The following ZNF81 variants were observed in gnomAD, a reference collection of about 807,000 sequenced individuals.
ZNF81 encodes the protein zinc finger protein 81 (HFZ20).
Under a neutral mutation model 32.3 loss-of-function variants are expected in ZNF81, and 5 were observed. The ratio of observed to expected loss-of-function variants is 0.15; its 90% confidence interval spans 0.08 to 0.33. The LOEUF (loss-of-function observed/expected upper bound fraction) is 0.33. ZNF81 is among the 10% of genes least tolerant of loss of function. The pLI, the probability that ZNF81 is intolerant of heterozygous loss-of-function variation, is 1.00. For missense variants in ZNF81, 379 were observed against 479.8 expected, an observed-to-expected ratio of 0.79 and a Z score of 1.96; for synonymous variants, 163 against 166.8, an observed-to-expected ratio of 0.98 and a Z score of 0.17.
intron 2 of ZNF81, among the ~76,000 whole-genome samples, chrX:47,860,336 C>T (rs994980750): frequency 5.5e-5 from 6 of 108,936 alleles, no homozygotes; most frequent in Admixed American, 3.0e-4. Flanking sequence ...CCACCATGCC[C>T]GGCTAATTTT....
intron 2 of ZNF81, among the ~76,000 whole-genome samples, chrX:47,862,945 A>G (rs2058547021): frequency 1.8e-5 from 2 of 111,470 alleles, no homozygotes; most frequent in African/African-American, 6.5e-5. Context: ...CAAGCTTCCA[A>G]TCTCAGTTAA....
At chrX:47,874,483 C>T (rs1556884279) in intron 2 of ZNF81, among the ~76,000 whole-genome samples, 1 of 112,538 alleles carries the variant, frequency 8.9e-6, no homozygotes, top group African/African-American at 3.2e-5. Context: ...CAGCCAAGTT[C>T]TTGTGCAAAC....
intron 2 of ZNF81, among the ~76,000 whole-genome samples, chrX:47,886,293 G>C (rs1029944690): frequency 7.2e-5 from 8 of 111,353 alleles, no homozygotes; most frequent in African/African-American, 2.6e-4. Flanking sequence ...AGAGATGCTT[G>C]ATTCTGTTTA....
At chrX:47,878,783 A>G in intron 2 of ZNF81, among the ~76,000 whole-genome samples, 1 of 112,465 alleles carries the variant, frequency 8.9e-6, no homozygotes, top group Middle Eastern at 4.6e-3. Context: ...AATTGCCACG[A>G]ACTTGGTGGC....
Position 47,919,219 on chromosome X carries a change from G to A in ZNF81, c.*2587G>A, listed in dbSNP as rs2058767823. 1 of 330,241 alleles carries A rather than the reference G, an allele frequency of 3.0e-6. No homozygotes were observed. Among genetic ancestry groups the A allele is most frequent in the Non-Finnish European group, 5.9e-6 (1 of 169,729 alleles). 27.2% of individuals were successfully genotyped at this position (330,241 alleles called of 1,213,427 possible). A position where few individuals can be genotyped will look rare whatever the true frequency, so the allele number is the denominator to read the frequency against. ...TGTTAGGTAGAAAAATGCTACAGAT[G>A]TCTTCATCCCTGTATATGTGTCCTT... On this transcript the variant is annotated 3_prime_UTR_variant, in exon 5 of 5. Coordinates refer to ENST00000338637, the MANE Select transcript of ZNF81 (RefSeq NM_007137.5).
intron 4 of ZNF81, among the ~76,000 whole-genome samples, chrX:47,914,518 C>T (rs373324612): frequency 6.5e-4 from 73 of 111,803 alleles, no homozygotes; most frequent in African/African-American, 2.1e-3. Flanking sequence ...AGTTGCCTAC[C>T]GTATTCAGTA....
In ZNF81 at chrX:47,915,344, A is replaced by T. The variant is rs1556890528; in HGVS notation, c.698A>T (p.Tyr233Phe). 8.3e-7 allele frequency: 1 copy of T among 1,211,912 alleles called. No individual in the cohort carries two copies. Among genetic ancestry groups the T allele is most frequent in the Non-Finnish European group, 1.1e-6 (1 of 895,520 alleles). ...CAAGTTTTTACCCAGAACTCTTCTT[A>T]TAGTCACCACGAAAATACACATACA... ...HGQVFTQNSS[Y>F]SHHENTHTGV... The change falls in exon 5 of 5, where the codon TAT (tyrosine) becomes TTT (phenylalanine). Residue 233 changes from tyrosine (Y) to phenylalanine (F), a missense_variant. Physicochemically the swap from Tyr to Phe is conservative, Grantham distance 22. This residue lies in a region of ZNF81 where 277 missense variants were observed against 306.6 expected (regional missense o/e 0.90). Coordinates refer to ENST00000338637, the MANE Select transcript of ZNF81 (RefSeq NM_007137.5).
chrX:47,847,934 A>G (rs868949467), intron 2 of ZNF81, among the ~76,000 whole-genome samples: 1 of 79,850 alleles, frequency 1.3e-5, no homozygotes, highest in African/African-American at 4.4e-5. Context: ...TTTTTTTTTT[A>G]GACGGAGTCT....
At chrX:47,869,944 C>T (rs781865359) in intron 2 of ZNF81, among the ~76,000 whole-genome samples, 2 of 111,565 alleles carry the variant, frequency 1.8e-5, no homozygotes, top group East Asian at 2.8e-4. Context: ...GATTGCCTGC[C>T]TCGGCCTCCC....
intron 2 of ZNF81, among the ~76,000 whole-genome samples, chrX:47,877,730 G>T (rs782209019): frequency 8.9e-6 from 1 of 112,130 alleles, no homozygotes; most frequent in South Asian, 3.7e-4. Flanking sequence ...CACATTTGCT[G>T]CTCATTTTCC....
At chrX:47,842,514 C>G (rs1253396539) in intron 1 of ZNF81, 1 of 111,947 alleles carries the variant, frequency 8.9e-6, no homozygotes, top group Non-Finnish European at 1.9e-5. Context: ...GGTCTGCAAG[C>G]TGTCCTCCTT....
intron 4 of ZNF81, among the ~76,000 whole-genome samples, chrX:47,904,816 A>G (rs1462917163): frequency 1.8e-5 from 2 of 111,966 alleles, no homozygotes; most frequent in Non-Finnish European, 3.8e-5. Context: ...ACCAACCCAA[A>G]TGTCCAACAA....
chrX:47,919,136 G>A lies in ZNF81; in HGVS notation c.*2504G>A. On this transcript the variant is annotated 3_prime_UTR_variant, in exon 5 of 5. Transcript: ENST00000338637. Reference sequence around the variant, plus strand: ...GAAATTTGGAGGTCCTGGAATAGGGGTGAACACATTTTGCATGGGGTGGTA... The same window carrying A: ...GAAATTTGGAGGTCCTGGAATAGGGATGAACACATTTTGCATGGGGTGGTA... 1 of 329,666 alleles carries A rather than the reference G, an allele frequency of 3.0e-6. No individual in the cohort carries two copies. Among genetic ancestry groups the A allele is most frequent in the South Asian group, 2.6e-5 (1 of 38,228 alleles). The allele number at this position is 329,666 out of a possible 1,213,427, so 27.2% of individuals were successfully genotyped here. A position where few individuals can be genotyped will look rare whatever the true frequency, so the allele number is the denominator to read the frequency against.
In ZNF81 at chrX:47,922,768, T is replaced by C. The variant is rs2058781099; in HGVS notation, c.*6136T>C. Among the ~76,000 whole-genome samples, 1 of 111,886 alleles carries C rather than the reference T, an allele frequency of 8.9e-6. No individual in the cohort carries two copies. Among genetic ancestry groups the C allele is most frequent in the Non-Finnish European group, 1.9e-5 (1 of 53,182 alleles). On this transcript the variant is annotated 3_prime_UTR_variant, in exon 5 of 5. Coordinates refer to ENST00000338637, the MANE Select transcript of ZNF81 (RefSeq NM_007137.5). Reference sequence around the variant, plus strand: ...GCCTAAAACAGCAGAAATTGTCTCATTGTTCTTGAGGCTGGAGATCCGAAT... The same window carrying C: ...GCCTAAAACAGCAGAAATTGTCTCACTGTTCTTGAGGCTGGAGATCCGAAT...
intron 2 of ZNF81, among the ~76,000 whole-genome samples, chrX:47,858,652 T>C (rs1296985768): frequency 8.9e-6 from 1 of 112,099 alleles, no homozygotes; most frequent in Non-Finnish European, 1.9e-5. Flanking sequence ...TGCTTATCCT[T>C]TTACCATCAT....
chrX:47,869,576 A>C (rs1157446980), intron 2 of ZNF81, among the ~76,000 whole-genome samples: 1 of 112,629 alleles, frequency 8.9e-6, no homozygotes, highest in Non-Finnish European at 1.9e-5. Flanking sequence ...GTCGAATCTC[A>C]ATACCAGTGT....
chrX:47,907,707 A>C (rs782169999), intron 4 of ZNF81, among the ~76,000 whole-genome samples: 2 of 112,081 alleles, frequency 1.8e-5, no homozygotes, highest in African/African-American at 6.5e-5. Flanking sequence ...AAATGAGAAA[A>C]GAAACATCAT....
intron 2 of ZNF81, among the ~76,000 whole-genome samples, chrX:47,851,396 AAC>A (rs869131876): frequency 1.2e-5 from 1 of 83,299 alleles, no homozygotes; most frequent in East Asian, 5.3e-4. Flanking sequence ...ATACCCAAGC[AAC>A]ACAGTGTCTT....
At chrX:47,869,969 A>T (rs181520314) in intron 2 of ZNF81, among the ~76,000 whole-genome samples, 27 of 111,793 alleles carry the variant, frequency 2.4e-4, no homozygotes. Flanking sequence ...TGCTGGGATT[A>T]CAAGACTGAG....
Sources: allele counts gnomAD v4.1 joint callset (sites outside exome capture counted in the v4.1 genomes callset), GRCh38; gene constraint gnomAD v4.1.1; regional missense constraint gnomAD v4.1.1; transcripts MANE v1.5; gene names NCBI Gene and HGNC (gene_info 2026-07-23, HGNC 2026-07-21).